B3GALT1: variants seen among roughly 807,000 people sequenced by gnomAD.
B3GALT1 encodes the protein beta-1,3-galactosyltransferase 1.
A neutral mutation model predicts 23.2 loss-of-function variants in B3GALT1; 10 were observed. That is an observed-to-expected ratio of 0.43 (90% CI 0.27 to 0.73). The LOEUF (loss-of-function observed/expected upper bound fraction) is 0.73, where lower values mean the gene tolerates loss of function less well. Among genes scored for constraint, B3GALT1 ranks in the 30% least tolerant of loss-of-function variants. The probability of loss-of-function intolerance (pLI) is 0.21; values close to 1 mark genes in which losing one functional copy is unlikely to be tolerated. For missense variants in B3GALT1, 299 were observed against 405.4 expected, an observed-to-expected ratio of 0.74 and a Z score of 2.25; for synonymous variants, 156 against 141.5, an observed-to-expected ratio of 1.10 and a Z score of -0.73.
chr2:167,413,968 A>G (rs992391998), intron 1 of B3GALT1, among the ~76,000 whole-genome samples: 5 of 152,150 alleles, frequency 3.3e-5, no homozygotes, highest in Non-Finnish European at 5.9e-5. Flanking sequence ...TGCAATTGAT[A>G]TATTTAATAT....
At chr2:167,648,781 A>G (rs1685802618) in intron 3 of B3GALT1, among the ~76,000 whole-genome samples, 1 of 152,048 alleles carries the variant, frequency 6.6e-6, no homozygotes. Context: ...CCCCCATTTA[A>G]TTGCTTTGCC....
intron 2 of B3GALT1, among the ~76,000 whole-genome samples, chr2:167,495,285 A>G (rs1358626323): frequency 6.6e-6 from 1 of 151,438 alleles, no homozygotes. Flanking sequence ...GAAGGTGATG[A>G]AGAAGAGGTG....
At chr2:167,820,385 A>G (rs558772243) in intron 4 of B3GALT1, among the ~76,000 whole-genome samples, 17 of 152,286 alleles carry the variant, frequency 1.1e-4, no homozygotes, top group African/African-American at 4.1e-4. Context: ...GGCACATGAA[A>G]GGACCAGATA....
At chr2:167,690,206 T>C (rs948269179) in intron 3 of B3GALT1, among the ~76,000 whole-genome samples, 2 of 151,866 alleles carry the variant, frequency 1.3e-5, no homozygotes, top group Non-Finnish European at 2.9e-5. Context: ...ATTTATGATT[T>C]AAAAAAATCA....
intron 2 of B3GALT1, among the ~76,000 whole-genome samples, chr2:167,529,880 C>A (rs925694755): frequency 6.6e-6 from 1 of 152,034 alleles, no homozygotes; most frequent in Non-Finnish European, 1.5e-5. Context: ...CAAATCTATT[C>A]TTTACATAGC....
At chr2:167,606,145 G>A (rs1032093102) in intron 2 of B3GALT1, among the ~76,000 whole-genome samples, 2 of 152,120 alleles carry the variant, frequency 1.3e-5, no homozygotes, top group Non-Finnish European at 2.9e-5. Context: ...GCTCCTCCTA[G>A]TTCTTCCAAA....
rs1292949588 is a variant in B3GALT1 at position 167,837,469 on chromosome 2, A to G, written c.-230+18676A>G. Among the ~76,000 whole-genome samples, 6 of 151,884 alleles carry G rather than the reference A, an allele frequency of 4.0e-5. No homozygotes were observed. In the East Asian group the frequency reaches 7.7e-4, roughly 20 times the overall value. On this transcript the variant is annotated intron_variant, in intron 4 of 4. Transcript: ENST00000392690. ...TGGTAAAGGGATCAATTCCACAAGA[A>G]GAGCTAACTATCCTAAATATATATG...
At chr2:167,607,151 T>C (rs1219871125) in intron 2 of B3GALT1, among the ~76,000 whole-genome samples, 2 of 152,208 alleles carry the variant, frequency 1.3e-5, no homozygotes, top group African/African-American at 4.8e-5. Flanking sequence ...ATGATTATTT[T>C]TCTTCTTTCA....
chr2:167,510,779 G>C (rs1699993109), intron 2 of B3GALT1, among the ~76,000 whole-genome samples: 1 of 152,116 alleles, frequency 6.6e-6, no homozygotes, highest in Admixed American at 6.6e-5. Flanking sequence ...GTTTAAATTT[G>C]AGATGCAAAT....
At chr2:167,564,538 C>G (rs1454243980) in intron 2 of B3GALT1, among the ~76,000 whole-genome samples, 1 of 152,188 alleles carries the variant, frequency 6.6e-6, no homozygotes, top group Non-Finnish European at 1.5e-5. Flanking sequence ...CCGCAGCGAG[C>G]CGAGACCACG....
rs139669446 is a variant in B3GALT1, at chr2:167,380,161, G to A, written c.-511+86827G>A. 1.9e-4 allele frequency among the ~76,000 whole-genome samples: 29 copies of A among 152,150 alleles called. 1 individual carries two copies. Among genetic ancestry groups the A allele is most frequent in the African/African-American group, 6.0e-4 (25 of 41,486 alleles). The stretch of plus-strand genomic sequence containing the variant: ...TAGATCGGTTTGGACATGTAGTAGA[G>A]GGTGTCCCCCTGCATGAGGTTCTCT... On this transcript the variant is annotated intron_variant, in intron 1 of 4. Transcript: ENST00000392690.
intron 1 of B3GALT1, among the ~76,000 whole-genome samples, chr2:167,479,441 G>C (rs1699531866): frequency 6.6e-6 from 1 of 152,164 alleles, no homozygotes; most frequent in African/African-American, 2.4e-5. Context: ...GATTATTTAA[G>C]AGTGAACTGA....
At chr2:167,664,064 A>G (rs1686126054) in intron 3 of B3GALT1, among the ~76,000 whole-genome samples, 1 of 150,922 alleles carries the variant, frequency 6.6e-6, no homozygotes, top group Non-Finnish European at 1.5e-5. Flanking sequence ...GGTAATGCCT[A>G]GGTTTTCTTG....
chr2:167,369,682 G>A (rs1166630159), intron 1 of B3GALT1, among the ~76,000 whole-genome samples: 1 of 152,164 alleles, frequency 6.6e-6, no homozygotes, highest in African/African-American at 2.4e-5. Flanking sequence ...AGGCTAGGGT[G>A]ATTTTGCAGG....
At chr2:167,737,930 G>A (rs1687517818) in intron 3 of B3GALT1, among the ~76,000 whole-genome samples, 1 of 152,148 alleles carries the variant, frequency 6.6e-6, no homozygotes, top group South Asian at 2.1e-4. Flanking sequence ...TAGAATGATT[G>A]ATTAAACTAG....
chr2:167,293,723 G>C (rs1041196383), intron 1 of B3GALT1, among the ~76,000 whole-genome samples: 6 of 152,092 alleles, frequency 3.9e-5, no homozygotes, highest in Non-Finnish European at 8.8e-5. Context: ...GGAGCGCACG[G>C]GAAAGTCCAC....
At chr2:167,504,565 G>A (rs1699892801) in intron 2 of B3GALT1, among the ~76,000 whole-genome samples, 1 of 152,144 alleles carries the variant, frequency 6.6e-6, no homozygotes. Flanking sequence ...TTATCAGAAA[G>A]GAGTAGCATC....
chr2:167,558,603 T>A lies in B3GALT1; in HGVS notation c.-410+68326T>A, dbSNP rs900151493. Among the ~76,000 whole-genome samples, 5 of 152,168 alleles carry A rather than the reference T, an allele frequency of 3.3e-5. 1 individual carries two copies. The East Asian group carries it at 9.6e-4, about 29-fold the overall frequency. On this transcript the variant is annotated intron_variant, in intron 2 of 4. Coordinates refer to ENST00000392690, the MANE Select transcript of B3GALT1 (RefSeq NM_020981.4). ...CCTGGAAAATTGGATCACTCCCACC[T>A]GAATACTGCGCTTTTCCGACGGGCT...
At chr2:167,826,921 T>C (rs1689240880) in intron 4 of B3GALT1, among the ~76,000 whole-genome samples, 1 of 152,212 alleles carries the variant, frequency 6.6e-6, no homozygotes, top group Admixed American at 6.5e-5. Flanking sequence ...TATAAGGAAC[T>C]TAAGCATTTG....
Sources: allele counts gnomAD v4.1 joint callset (sites outside exome capture counted in the v4.1 genomes callset), GRCh38; gene constraint gnomAD v4.1.1; transcripts MANE v1.5; gene names NCBI Gene and HGNC (gene_info 2026-07-23, HGNC 2026-07-21).